The following LRP1 variants were observed in gnomAD, a reference collection of about 807,000 sequenced individuals.
LRP1 encodes LDL receptor related protein 1.
In LRP1, 51 loss-of-function variants were observed where a neutral mutation model predicts 541.5. The observed-to-expected ratio is 0.09, with a 90% CI of 0.08 to 0.12. The LOEUF is 0.12. Among genes scored for constraint, LRP1 ranks in the 10% least tolerant of loss-of-function variants. LRP1 has a pLI of 1.00. For missense variants in LRP1, 3,878 were observed against 6,376.2 expected, an observed-to-expected ratio of 0.61 and a Z score of 13.34; for synonymous variants, 2,219 against 2,470.8, an observed-to-expected ratio of 0.90 and a Z score of 3.02.
chr12:57,177,607 G>A lies in LRP1; in HGVS notation c.4361+16G>A, dbSNP rs750322181. On this transcript the variant is annotated intron_variant, in intron 26 of 88. Coordinates refer to ENST00000243077, the MANE Select transcript of LRP1 (RefSeq NM_002332.3). This position sits in a 1 kb window ranked among gnomAD's most constrained non-coding sequence, Gnocchi z 6.8. ...TTGACGCCAGGTCAGCACCCTCTGT[G>A]CCCTGAGAAGGCCCAAGTCTGTGGC... 6.2e-7 allele frequency: 1 copy of A among 1,612,980 alleles called. No homozygotes were observed. The highest frequency in any genetic ancestry group is 1.7e-4 in the Middle Eastern group (1 of 6,056).
At position 57,156,312 on chromosome 12, in the gene LRP1, G is replaced by C. The variant is rs1048880179; in HGVS notation, c.1417+29G>C. On this transcript the variant is annotated intron_variant, in intron 9 of 88. Coordinates refer to ENST00000243077, the MANE Select transcript of LRP1 (RefSeq NM_002332.3). This position sits in a 1 kb window ranked among gnomAD's most constrained non-coding sequence, Gnocchi z 5.2. ...AGCAGGGCTCCATGGCCCCTCCAAAGCTGGCTTTACCCCATGATGGCTCTG... is the reference window on the plus strand; with the variant it reads ...AGCAGGGCTCCATGGCCCCTCCAAACCTGGCTTTACCCCATGATGGCTCTG... The C allele has an allele frequency of 1.1e-5, 18 of 1,609,964 alleles. No homozygotes were observed. Among genetic ancestry groups the C allele is most frequent in the Admixed American group, 1.7e-5 (1 of 59,692 alleles).
Position 57,178,747 on chromosome 12 carries a change from G to A in LRP1, c.4607-143G>A, listed in dbSNP as rs542593057. 1.2e-5 allele frequency: 18 copies of A among 1,505,146 alleles called. No individual in the cohort carries two copies. Among genetic ancestry groups the A allele is most frequent in the East Asian group, 2.3e-5 (1 of 44,152 alleles). 93.2% of individuals were successfully genotyped at this position (1,505,146 alleles called of 1,614,324 possible). ...AGGGGTAGGCCGGCTGTTGACAGAG[G>A]CACTGTCTAGCAGCAGAGAAGGGTC... On this transcript the variant is annotated intron_variant, in intron 27 of 88. Coordinates refer to ENST00000243077, the MANE Select transcript of LRP1 (RefSeq NM_002332.3). The surrounding 1 kb of genome is among the most constrained non-coding windows in gnomAD (Gnocchi z 5.8).
In LRP1 at chr12:57,178,304, C is replaced by T; in HGVS notation, c.4362-55C>T. 6.3e-7 allele frequency: 1 copy of T among 1,576,908 alleles called. No homozygotes were observed. The highest frequency in any genetic ancestry group is 8.6e-7 in the Non-Finnish European group (1 of 1,159,304). ...CCAGAGGGTGGGCACCTGGGCAGAGCTCTGAGGGCTGAGATCCCAGCTGGC... is the reference window on the plus strand; with the variant it reads ...CCAGAGGGTGGGCACCTGGGCAGAGTTCTGAGGGCTGAGATCCCAGCTGGC... On this transcript the variant is annotated intron_variant, in intron 26 of 88. Transcript: ENST00000243077. This position sits in a 1 kb window ranked among gnomAD's most constrained non-coding sequence, Gnocchi z 5.8.
rs1367063304 is a variant in LRP1, at chr12:57,139,116, C to G, written c.190+535C>G. Among the ~76,000 whole-genome samples, 4 of 152,240 alleles carry G rather than the reference C, an allele frequency of 2.6e-5. No individual in the cohort carries two copies. In the East Asian group the frequency reaches 7.7e-4, roughly 29 times the overall value. ...AACTGGGAGAAAGGTCCCCGCCCAG[C>G]TTTTGCCCTGCCAAGGGAAGTGGAG... On this transcript the variant is annotated intron_variant, in intron 2 of 88. Coordinates refer to ENST00000243077, the MANE Select transcript of LRP1 (RefSeq NM_002332.3).
intron 1 of LRP1, among the ~76,000 whole-genome samples, chr12:57,136,575 C>A (rs1371362584): frequency 6.6e-6 from 1 of 152,148 alleles, no homozygotes; most frequent in Admixed American, 6.5e-5. Context: ...TGTGTGCCAG[C>A]AGAATAGAAA....
In LRP1 at chr12:57,178,092, G is replaced by A. The variant is rs531535198; in HGVS notation, c.4362-267G>A. ...TCTGACTTTCATCAAAGCCCTGAGT[G>A]CTGACAGCAGCCCTGGGGAGAAGTG... On this transcript the variant is annotated intron_variant, in intron 26 of 88. Coordinates refer to ENST00000243077, the MANE Select transcript of LRP1 (RefSeq NM_002332.3). This position sits in a 1 kb window ranked among gnomAD's most constrained non-coding sequence, Gnocchi z 5.8. 2.0e-5 allele frequency among the ~76,000 whole-genome samples: 3 copies of A among 152,202 alleles called. No individual in the cohort carries two copies. Among genetic ancestry groups the A allele is most frequent in the African/African-American group, 7.2e-5 (3 of 41,508 alleles).
At chr12:57,207,930 C>T (rs148465119) in intron 76 of LRP1, 108 bp from the exon 77 acceptor site, 1 of 1,252,500 alleles carries the variant, frequency 8.0e-7, no homozygotes, top group Admixed American at 2.1e-5. Context: ...AAGCCAGGGT[C>T]CTGGCTGTGA....
chr12:57,203,927 G>C (rs2036711665), intron 70 of LRP1: 1 of 211,850 alleles, frequency 4.7e-6, no homozygotes, highest in Non-Finnish European at 9.3e-6. Flanking sequence ...GACCTGCCTG[G>C]GCTCTGCAGT....
chr12:57,208,042 C>T lies in LRP1; in HGVS notation c.11864C>T (p.Ser3955Leu), dbSNP rs1305461799. The T allele has an allele frequency of 6.2e-7, 1 of 1,613,744 alleles. No homozygotes were observed. The highest frequency in any genetic ancestry group is 8.5e-7 in the Non-Finnish European group (1 of 1,179,900). ...IDRGVTHLNISGLKMPRGIAI... is the reference protein window; with the variant it reads ...IDRGVTHLNILGLKMPRGIAI... ...GAACCTGTGGCTTCCATTCAGATTTCAGGGCTGAAGATGCCCAGAGGCATC... is the reference window on the plus strand; with the variant it reads ...GAACCTGTGGCTTCCATTCAGATTTTAGGGCTGAAGATGCCCAGAGGCATC... The change falls in exon 77 of 89, where the codon TCA becomes TTA. Residue 3955 changes from serine (S) to leucine (L), a missense_variant. Coordinates refer to ENST00000243077, the MANE Select transcript of LRP1 (RefSeq NM_002332.3).
chr12:57,179,984 C>T lies in LRP1; in HGVS notation c.5141+28C>T. 1 of 1,613,844 alleles carries T rather than the reference C, an allele frequency of 6.2e-7. No homozygotes were observed. The highest frequency in any genetic ancestry group is 8.5e-7 in the Non-Finnish European group (1 of 1,179,878). On this transcript the variant is annotated intron_variant, in intron 30 of 88. Coordinates refer to ENST00000243077, the MANE Select transcript of LRP1 (RefSeq NM_002332.3). This position sits in a 1 kb window ranked among gnomAD's most constrained non-coding sequence, Gnocchi z 6.8. ...CAGTCTAGGGCCCAGGGCCGGGGAG[C>T]ATGGGGTGTGGGGCTGGGAAGAAGA... is the stretch of plus-strand genomic sequence containing the variant.
chr12:57,179,928 C>G lies in LRP1; in HGVS notation c.5113C>G (p.His1705Asp), dbSNP rs775980210. 6.2e-7 allele frequency: 1 copy of G among 1,614,138 alleles called. No individual in the cohort carries two copies. The highest frequency in any genetic ancestry group is 1.1e-5 in the South Asian group (1 of 91,086). The change falls in exon 30 of 89, where the codon CAT becomes GAT. Residue 1705 changes from histidine to aspartate, a missense_variant. Physicochemically the swap from His to Asp is moderately conservative, Grantham distance 81. Transcript: ENST00000243077. This position sits in a 1 kb window ranked among gnomAD's most constrained non-coding sequence, Gnocchi z 6.8. ...NAVVQGLEQPHGLVVHPLRGK... is the reference protein window; with the variant it reads ...NAVVQGLEQPDGLVVHPLRGK... ...AGTGGTGCAGGGCCTGGAGCAGCCC[C>G]ATGGCCTTGTCGTCCACCCTCTGCG...
chr12:57,173,259 C>T lies in LRP1; in HGVS notation c.3255C>T (p.Asp1085=), dbSNP rs1418318746. The change falls in exon 21 of 89, where the codon GAC becomes GAT. Residue 1085 remains aspartate, a synonymous_variant. Coordinates refer to ENST00000243077, the MANE Select transcript of LRP1 (RefSeq NM_002332.3). This position sits in a 1 kb window ranked among gnomAD's most constrained non-coding sequence, Gnocchi z 4.7. ...CIPLRWRCDG[D]TDCMDSSDEK... ...CCCTGCGGTGGCGCTGCGATGGGGA[C>T]ACTGACTGCATGGACTCCAGCGATG... 1 of 1,613,986 alleles carries T rather than the reference C, an allele frequency of 6.2e-7. No homozygotes were observed.
rs188601033 is a variant in LRP1 at position 57,198,775 on chromosome 12, G to A, written c.9676+105G>A. ...GGGGGCAAGAGTGGACATAAAAAGC[G>A]GAGGATATGGCCTGAGGACACCACT... On this transcript the variant is annotated intron_variant, in intron 60 of 88. Coordinates refer to ENST00000243077, the MANE Select transcript of LRP1 (RefSeq NM_002332.3). 7.3e-6 allele frequency: 8 copies of A among 1,100,050 alleles called. No homozygotes were observed. In the Admixed American group the frequency reaches 8.2e-5, roughly 11 times the overall value. The allele number at this position is 1,100,050 out of a possible 1,614,324, so 68.1% of individuals were successfully genotyped here.
In LRP1 at chr12:57,138,308, C is replaced by T. The variant is rs1592601386; in HGVS notation, c.68-151C>T. The T allele has an allele frequency of 4.3e-6, 4 of 928,514 alleles. No individual in the cohort carries two copies. In the South Asian group the frequency reaches 7.1e-5, roughly 16 times the overall value. 57.5% of individuals were successfully genotyped at this position (928,514 alleles called of 1,614,324 possible). ...TGTCTAGGAACTACCCAAAGCCACC[C>T]CCTGACACCCCCAGGCACATAGACC... On this transcript the variant is annotated intron_variant, in intron 1 of 88. Coordinates refer to ENST00000243077, the MANE Select transcript of LRP1 (RefSeq NM_002332.3).
rs574470923 is a variant in LRP1, at chr12:57,205,932, G to T, written c.11590+255G>T. The T allele has an allele frequency of 5.2e-5, 30 of 575,980 alleles. No individual in the cohort carries two copies. In the East Asian group the frequency reaches 8.2e-4, roughly 16 times the overall value. The allele number at this position is 575,980 out of a possible 1,614,324, so 35.7% of individuals were successfully genotyped here. ...ACACCTCCTCACCCACCACTGCCAG[G>T]ACGAGAGTACACTCAGACACGCATT... On this transcript the variant is annotated intron_variant, in intron 75 of 88. Transcript: ENST00000243077. The surrounding 1 kb of genome is among the most constrained non-coding windows in gnomAD (Gnocchi z 4.6).
At position 57,206,343 on chromosome 12, in the gene LRP1, A is replaced by T; in HGVS notation, c.11591-130A>T. The T allele has an allele frequency of 1.1e-6, 1 of 940,424 alleles. No individual in the cohort carries two copies. The highest frequency in any genetic ancestry group is 1.6e-6 in the Non-Finnish European group (1 of 620,052). 58.3% of individuals were successfully genotyped at this position (940,424 alleles called of 1,614,324 possible). A position where few individuals can be genotyped will look rare whatever the true frequency, so the allele number is the denominator to read the frequency against. ...GCCTGCAACCCTGAGCAGGGAGGGT[A>T]AGCAGCAGCTTCTGGCCGGAGCAGA... is the stretch of plus-strand genomic sequence containing the variant. On this transcript the variant is annotated intron_variant, in intron 75 of 88. Transcript: ENST00000243077. The surrounding 1 kb of genome is among the most constrained non-coding windows in gnomAD (Gnocchi z 4.7).
chr12:57,210,912 C>T (rs775735942), intron 83 of LRP1, 33 bp downstream of exon 83: 13 of 1,594,010 alleles, frequency 8.2e-6, no homozygotes, highest in Admixed American at 3.4e-5. Flanking sequence ...CCAGGGCATG[C>T]GGGAGGGTGA....
chr12:57,194,636 C>G lies in LRP1; in HGVS notation c.8128C>G (p.Pro2710Ala), dbSNP rs1481097769. 2.5e-6 allele frequency: 4 copies of G among 1,607,720 alleles called. No individual in the cohort carries two copies. The East Asian group carries it at 8.9e-5, about 36-fold the overall frequency. ...YFACPSGRCI[P>A]MSWTCDKEDD... ...CGCCTGCCCTAGTGGGCGCTGCATC[C>G]CCATGAGCTGGACGTGTGACAAAGA... The change falls in exon 50 of 89, where the codon CCC becomes GCC. Residue 2710 changes from proline to alanine, a missense_variant. Around this residue, in one of 13 missense-constraint regions of LRP1, gnomAD observed 1,100 missense variants for 1,827.4 expected, o/e 0.60. Transcript: ENST00000243077.
rs773768244 is a variant in LRP1 at position 57,187,448 on chromosome 12, G to A, written c.7023G>A (p.Glu2341=). The A allele has an allele frequency of 6.2e-7, 1 of 1,612,728 alleles. No individual in the cohort carries two copies. Among genetic ancestry groups the A allele is most frequent in the Non-Finnish European group, 8.5e-7 (1 of 1,179,332 alleles). Reference sequence around the variant, plus strand: ...ACCCACGGGCCTTCGTTTTGGACGAGTGCCAGAAGTGAGCTGCTGCCTGGG... The same window carrying A: ...ACCCACGGGCCTTCGTTTTGGACGAATGCCAGAAGTGAGCTGCTGCCTGGG... ...DDHPRAFVLD[E]CQNLMFWTNW... Residue 2341 remains glutamate, a synonymous_variant, in exon 42 of 89, where the codon GAG becomes GAA. Transcript: ENST00000243077.
Sources: gnomAD v4.1 joint callset for allele counts (sites outside exome capture counted in the v4.1 genomes callset) on GRCh38, gnomAD v4.1.1 for gene constraint, gnomAD v4.1.1 regional missense constraint, Gnocchi (gnomAD v3.1) non-coding constraint, MANE v1.5 for transcripts, NCBI Gene and HGNC (gene_info 2026-07-23, HGNC 2026-07-21) for gene names.